CCR6: variants seen among roughly 807,000 people sequenced by gnomAD.
The protein encoded by CCR6 is C-C motif chemokine receptor 6.
A neutral mutation model predicts 3.0 loss-of-function variants in CCR6; 2 were observed. The ratio of observed to expected loss-of-function variants is 0.66; its 90% CI spans 0.27 to 2.07. CCR6 has a LOEUF of 2.07. CCR6 is among the 30% of genes most tolerant of loss of function. CCR6 has a pLI of 0.14. For synonymous variants in CCR6, 193 were observed against 184.3 expected (o/e 1.05, Z -0.38); for missense variants, 322 against 462.8 (o/e 0.70, Z 2.79).
rs2114938990 is a variant in CCR6 at position 167,136,018 on chromosome 6, T to C, written c.-97-20T>C. ...ATACCTGTGTTAACTGTAGTGCATT[T>C]TGCCTTCTTTCCTTCTTAGAGTCAC... On this transcript the variant is annotated intron_variant, in intron 1 of 2. Transcript: ENST00000341935. This position sits in a 1 kb window ranked among gnomAD's most constrained non-coding sequence, Gnocchi z 4.6. 3 of 1,121,834 alleles carry C rather than the reference T, an allele frequency of 2.7e-6. No individual in the cohort carries two copies. The highest frequency in any genetic ancestry group is 3.9e-6 in the Non-Finnish European group (3 of 768,930). The allele number at this position is 1,121,834 out of a possible 1,614,324, so 69.5% of individuals were successfully genotyped here.
intron 1 of CCR6, chr6:167,114,822 G>C (rs1233667175): frequency 6.6e-6 from 1 of 152,274 alleles, no homozygotes; most frequent in East Asian, 1.9e-4. Context: ...CCCGTCCTTA[G>C]CTCTGCATCC....
intron 1 of CCR6, among the ~76,000 whole-genome samples, chr6:167,132,038 T>G (rs1374622802): frequency 6.6e-6 from 1 of 152,150 alleles, no homozygotes; most frequent in Non-Finnish European, 1.5e-5. Context: ...TTCCTGCCAC[T>G]GTTATTTTGC....
At chr6:167,126,835 G>C (rs969652117) in intron 1 of CCR6, among the ~76,000 whole-genome samples, 1 of 152,190 alleles carries the variant, frequency 6.6e-6, no homozygotes, top group East Asian at 1.9e-4. Context: ...GGATCTGATG[G>C]TTTTACAGGG....
upstream of CCR6, among the ~76,000 whole-genome samples, chr6:167,121,839 A>G (rs36225732): frequency 2.5e-3 from 374 of 152,086 alleles, 1 homozygote; most frequent in African/African-American, 8.2e-3. Flanking sequence ...CAGCAAGAGG[A>G]CCCCGTGACC....
rs1781850705 is a variant in CCR6 at position 167,136,404 on chromosome 6, C to T, written c.174C>T (p.Val58=). 2 of 1,613,976 alleles carry T rather than the reference C, an allele frequency of 1.2e-6. No homozygotes were observed. The highest frequency in any genetic ancestry group is 1.7e-6 in the Non-Finnish European group (2 of 1,179,956). ...FVPIAYSLIC[V]FGLLGNILVV... ...CGATTGCCTACTCCTTGATCTGTGT[C>T]TTTGGCCTCCTGGGGAATATTCTGG... The change falls in exon 3 of 3, where the codon GTC becomes GTT. Residue 58 remains valine (V), a synonymous_variant. Transcript: ENST00000341935. This position sits in a 1 kb window ranked among gnomAD's most constrained non-coding sequence, Gnocchi z 4.6.
chr6:167,136,119 A>T lies in CCR6; in HGVS notation c.-16A>T, dbSNP rs765542349. The T allele has an allele frequency of 9.3e-6, 15 of 1,613,408 alleles. 1 individual carries two copies. The South Asian group carries it at 9.9e-5, about 11-fold the overall frequency. Reference sequence around the variant, plus strand: ...ACTCCTTTTTCTACAACCAGCTTGCATTTTTTCTGCCCACAATGAGCGGGG... The same window carrying T: ...ACTCCTTTTTCTACAACCAGCTTGCTTTTTTTCTGCCCACAATGAGCGGGG... On this transcript the variant is annotated 5_prime_UTR_variant, in exon 2 of 3. Transcript: ENST00000341935. This position sits in a 1 kb window ranked among gnomAD's most constrained non-coding sequence, Gnocchi z 4.6.
intron 1 of CCR6, among the ~76,000 whole-genome samples, chr6:167,112,757 G>C (rs930471625): frequency 1.3e-5 from 2 of 152,130 alleles, no homozygotes; most frequent in Non-Finnish European, 2.9e-5. Flanking sequence ...TGCTGACGAA[G>C]GTGGGATGGG....
At chr6:167,135,949 C>A in intron 1 of CCR6, 89 bp from the exon 2 acceptor site, 1 of 653,634 alleles carries the variant, frequency 1.5e-6, no homozygotes, top group South Asian at 1.9e-5. Flanking sequence ...ACTCTGTTCA[C>A]ACGAGATGGA....
At position 167,138,665 on chromosome 6, in the gene CCR6, C is replaced by T. The variant is rs531527941; in HGVS notation, c.*1310C>T. 2 of 152,340 alleles carry T rather than the reference C, an allele frequency of 1.3e-5. No individual in the cohort carries two copies. The highest frequency in any genetic ancestry group is 4.8e-5 in the African/African-American group (2 of 41,446). The allele number at this position is 152,340 out of a possible 1,614,324, so 9.4% of individuals were successfully genotyped here. A position where few individuals can be genotyped will look rare whatever the true frequency, so the allele number is the denominator to read the frequency against. On this transcript the variant is annotated 3_prime_UTR_variant, in exon 3 of 3. Transcript: ENST00000341935. Reference sequence around the variant, plus strand: ...CTGTCATGGGCTAGGCATGGTGGCTCACACCTGTAATCCCAGCATTTTGGG... The same window carrying T: ...CTGTCATGGGCTAGGCATGGTGGCTTACACCTGTAATCCCAGCATTTTGGG...
In CCR6 at chr6:167,137,810, A is replaced by G. The variant is rs1165810591; in HGVS notation, c.*455A>G. 1.8e-5 allele frequency: 3 copies of G among 163,870 alleles called. No homozygotes were observed. Among genetic ancestry groups the G allele is most frequent in the Non-Finnish European group, 2.7e-5 (2 of 73,988 alleles). The allele number at this position is 163,870 out of a possible 1,614,324, so 10.2% of individuals were successfully genotyped here. A position where few individuals can be genotyped will look rare whatever the true frequency, so the allele number is the denominator to read the frequency against. On this transcript the variant is annotated 3_prime_UTR_variant, in exon 3 of 3. Coordinates refer to ENST00000341935, the MANE Select transcript of CCR6 (RefSeq NM_031409.4). This position sits in a 1 kb window ranked among gnomAD's most constrained non-coding sequence, Gnocchi z 4.6. ...TTTAGGCAAATGTTTAAACATTTTT[A>G]TCTATCAGAATGTTTATTGTTGCTG...
At chr6:167,124,265 G>GGAAAAA (rs10683579) in intron 1 of CCR6, among the ~76,000 whole-genome samples, 1 of 135,660 alleles carries the variant, frequency 7.4e-6, no homozygotes, top group Non-Finnish European at 1.6e-5. Context: ...TAAAGGAACT[G>GGAAAAA]AAAAAAAAAA....
At chr6:167,118,485 A>G (rs1300030361), upstream of CCR6, among the ~76,000 whole-genome samples, 4 of 152,188 alleles carry the variant, frequency 2.6e-5, no homozygotes, top group Non-Finnish European at 4.4e-5. Flanking sequence ...ACCGGTTTCT[A>G]TAACTGTTCT....
At chr6:167,115,395 C>T (rs545979858) in intron 1 of CCR6, 1 of 152,352 alleles carries the variant, frequency 6.6e-6, no homozygotes, top group East Asian at 1.9e-4. Context: ...AAAACTGATT[C>T]TGCTGGAAGT....
chr6:167,135,170 T>G (rs938307654), intron 1 of CCR6: 1 of 152,264 alleles, frequency 6.6e-6, no homozygotes, highest in Non-Finnish European at 1.5e-5. Flanking sequence ...CTCTTCAGCC[T>G]GAGACGAGCT....
At chr6:167,117,878 A>C (rs1781525342), upstream of CCR6, among the ~76,000 whole-genome samples, 1 of 151,914 alleles carries the variant, frequency 6.6e-6, no homozygotes, top group Admixed American at 6.6e-5. Context: ...AGTAGTGATG[A>C]AACGCGCAGG....
intron 1 of CCR6, among the ~76,000 whole-genome samples, chr6:167,131,001 T>C (rs1310279256): frequency 7.3e-4 from 63 of 86,102 alleles, no homozygotes; most frequent in African/African-American, 1.7e-3. Flanking sequence ...CCCCTCCCTT[T>C]GGGACCCCTC....
At chr6:167,133,930 G>GTATATA (rs1201380934) in intron 1 of CCR6, among the ~76,000 whole-genome samples, 98 of 29,010 alleles carry the variant, frequency 3.4e-3, no homozygotes, top group African/African-American at 0.011. Flanking sequence ...TGATATATGT[G>GTATATA]TGTATATATA....
At chr6:167,130,837 C>T (rs573624600) in intron 1 of CCR6, among the ~76,000 whole-genome samples, 10 of 147,790 alleles carry the variant, frequency 6.8e-5, no homozygotes, top group African/African-American at 2.1e-4. Flanking sequence ...ATGAACAGGA[C>T]GGAGTAGGCC....
At chr6:167,115,349 G>A (rs909819195) in intron 1 of CCR6, 4 of 152,220 alleles carry the variant, frequency 2.6e-5, no homozygotes, top group East Asian at 1.9e-4. Context: ...ATGCCTTTGC[G>A]GAATATGATT....
Sources: allele counts gnomAD v4.1 joint callset (sites outside exome capture counted in the v4.1 genomes callset), GRCh38; gene constraint gnomAD v4.1.1; non-coding constraint Gnocchi (gnomAD v3.1); transcripts MANE v1.5; gene names NCBI Gene and HGNC (gene_info 2026-07-23, HGNC 2026-07-21).